The following MBOAT2 variants were observed in gnomAD, a reference collection of about 807,000 sequenced individuals.
MBOAT2 encodes the protein membrane bound glycerophospholipid O-acyltransferase 2, also known as membrane-bound glycerophospholipid O-acyltransferase 2.
In MBOAT2, 28 loss-of-function variants were observed where a neutral mutation model predicts 63.4. The ratio of observed to expected loss-of-function variants is 0.44; its 90% confidence interval spans 0.33 to 0.61. The LOEUF is 0.61. MBOAT2 is among the 20% of genes least tolerant of loss of function. MBOAT2 has a pLI of 0.03. For missense variants in MBOAT2, 470 were observed against 605.8 expected (o/e 0.78, Z 2.35); for synonymous variants, 211 against 215.6 (o/e 0.98, Z 0.19).
intron 8 of MBOAT2, among the ~76,000 whole-genome samples, chr2:8,870,607 C>T (rs74397293): frequency 0.02 from 3,117 of 152,242 alleles, 107 homozygotes; most frequent in African/African-American, 0.072. Context: ...CACATGCATG[C>T]TGAGCCTCAG....
Position 8,868,438 on chromosome 2 carries a change from T to G in MBOAT2, c.987+8A>C. The G allele has an allele frequency of 6.2e-7, 1 of 1,610,346 alleles. No homozygotes were observed. The highest frequency in any genetic ancestry group is 1.1e-5 in the South Asian group (1 of 90,570). On this transcript the variant is annotated splice_region_variant and intron_variant, in intron 9 of 12. Coordinates refer to ENST00000305997, the MANE Select transcript of MBOAT2 (RefSeq NM_138799.4). ...ATATAGTAACTAACTTCTTAAAGAT[T>G]GACTCACCTCTATTTGTTGAATTCT...
At chr2:8,954,694 T>TGGCGAA (rs1669086414) in intron 2 of MBOAT2, among the ~76,000 whole-genome samples, 1 of 152,012 alleles carries the variant, frequency 6.6e-6, no homozygotes, top group Non-Finnish European at 1.5e-5. Flanking sequence ...AAGACTGGGG[T>TGGCGAA]GGCTCAGGCT....
chr2:8,981,427 C>T (rs1671183851), intron 1 of MBOAT2, among the ~76,000 whole-genome samples: 1 of 152,132 alleles, frequency 6.6e-6, no homozygotes, highest in Admixed American at 6.6e-5. Context: ...AGATGAAATA[C>T]AGATATGCTG....
intron 1 of MBOAT2, among the ~76,000 whole-genome samples, chr2:8,990,188 T>A (rs1671831540): frequency 6.6e-6 from 1 of 152,230 alleles, no homozygotes; most frequent in Admixed American, 6.5e-5. Context: ...GTCCCTTCTT[T>A]ACACTGCAGT....
intron 8 of MBOAT2, 152 bp downstream of exon 8, chr2:8,872,956 A>G: frequency 1.8e-6 from 1 of 547,920 alleles, no homozygotes; most frequent in Non-Finnish European, 3.2e-6. Context: ...ATACTTACAT[A>G]TGAGTTGCGA....
intron 1 of MBOAT2, among the ~76,000 whole-genome samples, chr2:8,993,029 G>A (rs1672024142): frequency 6.6e-6 from 1 of 152,158 alleles, no homozygotes; most frequent in Admixed American, 6.5e-5. Flanking sequence ...CCCTACTAAA[G>A]GGACACTAAA....
intron 2 of MBOAT2, among the ~76,000 whole-genome samples, chr2:8,952,213 T>C (rs1341253344): frequency 6.6e-6 from 1 of 152,246 alleles, no homozygotes. Flanking sequence ...TTAATTTCCA[T>C]GTAATTGTGT....
chr2:9,002,836 G>A (rs775106430), intron 1 of MBOAT2, among the ~76,000 whole-genome samples: 1 of 152,170 alleles, frequency 6.6e-6, no homozygotes, highest in Non-Finnish European at 1.5e-5. Flanking sequence ...GGCTGGGCAA[G>A]GAGGTAAAGT....
At chr2:8,967,295 T>A (rs1388648210) in intron 1 of MBOAT2, among the ~76,000 whole-genome samples, 2 of 152,236 alleles carry the variant, frequency 1.3e-5, no homozygotes, top group African/African-American at 4.8e-5. Context: ...ACACAGATAC[T>A]GACTTTTAGT....
chr2:8,943,927 G>A (rs770631733), intron 2 of MBOAT2, among the ~76,000 whole-genome samples: 12 of 152,056 alleles, frequency 7.9e-5, no homozygotes, highest in East Asian at 5.8e-4. Context: ...ACAGTGGCGC[G>A]ATCTCAGCTC....
intron 1 of MBOAT2, among the ~76,000 whole-genome samples, chr2:8,963,009 A>G (rs1278436558): frequency 6.6e-6 from 1 of 152,062 alleles, no homozygotes; most frequent in Non-Finnish European, 1.5e-5. Flanking sequence ...TTGGGAGGCC[A>G]AGACAGGAAG....
chr2:8,962,434 C>T (rs972494577), intron 1 of MBOAT2, among the ~76,000 whole-genome samples: 3 of 152,154 alleles, frequency 2.0e-5, no homozygotes, highest in Admixed American at 6.5e-5. Flanking sequence ...CTTGTGGGGA[C>T]GAGTTTTGGT....
chr2:8,981,685 A>C (rs1420643314), intron 1 of MBOAT2, among the ~76,000 whole-genome samples: 1 of 152,126 alleles, frequency 6.6e-6, no homozygotes, highest in Non-Finnish European at 1.5e-5. Context: ...GGGAGGGGGA[A>C]ACAGGAAGGA....
At chr2:8,949,824 C>CT (rs1335528760) in intron 2 of MBOAT2, among the ~76,000 whole-genome samples, 1 of 152,178 alleles carries the variant, frequency 6.6e-6, no homozygotes, top group Non-Finnish European at 1.5e-5. Context: ...TATTTGGGCT[C>CT]TTTTTTGGTT....
At position 8,981,534 on chromosome 2, in the gene MBOAT2, G is replaced by C. The variant is rs905646797; in HGVS notation, c.75+22006C>G. Among the ~76,000 whole-genome samples, 6 of 152,274 alleles carry C rather than the reference G, an allele frequency of 3.9e-5. No homozygotes were observed. The South Asian group carries it at 6.2e-4, about 16-fold the overall frequency. On this transcript the variant is annotated intron_variant, in intron 1 of 12. Coordinates refer to ENST00000305997, the MANE Select transcript of MBOAT2 (RefSeq NM_138799.4). The stretch of plus-strand genomic sequence containing the variant: ...TCTTCCCTAGGGCATTTCTGCCAGA[G>C]CCTCAGAGAAGACGATGCTCTCCCT...
chr2:8,956,006 G>C (rs1377977174), intron 2 of MBOAT2, among the ~76,000 whole-genome samples: 1 of 151,986 alleles, frequency 6.6e-6, no homozygotes, highest in Non-Finnish European at 1.5e-5. Flanking sequence ...TAATTATATT[G>C]CATACTTAAT....
At chr2:8,895,175 G>A (rs1049934479) in intron 4 of MBOAT2, among the ~76,000 whole-genome samples, 4 of 152,232 alleles carry the variant, frequency 2.6e-5, no homozygotes, top group Admixed American at 6.5e-5. Context: ...GGCTCACCTG[G>A]CCTGCTTTTA....
At chr2:8,880,229 G>C (rs945549707) in intron 6 of MBOAT2, among the ~76,000 whole-genome samples, 2 of 151,988 alleles carry the variant, frequency 1.3e-5, no homozygotes, top group African/African-American at 4.8e-5. Context: ...ATGAGGGTTT[G>C]TACTGGGATG....
At chr2:8,860,791 C>CT (rs781197716) in intron 11 of MBOAT2, 27 bp from the exon 12 acceptor site, 5 of 1,522,388 alleles carry the variant, frequency 3.3e-6, no homozygotes, top group Non-Finnish European at 4.5e-6. Flanking sequence ...AAAACATTTG[C>CT]TGTATCTTTA....
Sources: allele counts gnomAD v4.1 joint callset (sites outside exome capture counted in the v4.1 genomes callset), GRCh38; gene constraint gnomAD v4.1.1; transcripts MANE v1.5; gene names NCBI Gene and HGNC (gene_info 2026-07-23, HGNC 2026-07-21).